Variants in LIPA observed in about 807,000 individuals in gnomAD.
LIPA encodes the protein lysosomal acid lipase/cholesteryl ester hydrolase.
Under a neutral mutation model 40.6 loss-of-function variants are expected in LIPA, and 26 were observed. That is an observed-to-expected ratio of 0.64 (90% CI 0.47 to 0.89). LIPA has a LOEUF of 0.89. Ranked by LOEUF, LIPA falls within the 40% of genes least tolerant of loss-of-function variation. The pLI, the probability that LIPA is intolerant of heterozygous loss-of-function variation, is 0.00. For missense variants in LIPA, 455 were observed against 479.6 expected (o/e 0.95, Z 0.48); for synonymous variants, 188 against 168.4 (o/e 1.12, Z -0.90).
chr10:89,265,137 G>T (rs867175511), intron 1 of LIPA, among the ~76,000 whole-genome samples: 2 of 151,682 alleles, frequency 1.3e-5, no homozygotes, highest in Middle Eastern at 3.2e-3. Context: ...TGGGTGCCAG[G>T]AGCAGGGAGA....
intron 1 of LIPA, among the ~76,000 whole-genome samples, chr10:89,333,215 G>T (rs1564788787): frequency 6.6e-6 from 1 of 152,188 alleles, no homozygotes; most frequent in African/African-American, 2.4e-5. Context: ...ACAGGGAGAA[G>T]GTGTTGCTTG....
At chr10:89,221,912 A>G (rs1842704126) in intron 8 of LIPA, among the ~76,000 whole-genome samples, 1 of 147,774 alleles carries the variant, frequency 6.8e-6, no homozygotes, top group Non-Finnish European at 1.5e-5. Flanking sequence ...TTTCATTTTA[A>G]GATAATTTTT....
At chr10:89,282,428 G>C (rs962006907) in intron 1 of LIPA, among the ~76,000 whole-genome samples, 85 of 151,810 alleles carry the variant, frequency 5.6e-4, no homozygotes, top group Middle Eastern at 3.2e-3. Context: ...ACCTGAGATT[G>C]AGAGTTTGAG....
chr10:89,273,064 G>T (rs1843273668), intron 1 of LIPA, among the ~76,000 whole-genome samples: 1 of 152,168 alleles, frequency 6.6e-6, no homozygotes, highest in Admixed American at 6.5e-5. Context: ...ATAGGTAAAA[G>T]AAAGAAGTTA....
chr10:89,215,056 A>C lies in LIPA; in HGVS notation c.972T>G (p.Tyr324Ter). The C allele has an allele frequency of 9.9e-6, 16 of 1,608,916 alleles. No homozygotes were observed. The highest frequency in any genetic ancestry group is 1.4e-5 in the Non-Finnish European group (16 of 1,175,240). Residue 324 changes from tyrosine to a stop codon, truncating the protein, a stop_gained, in exon 10 of 10, where the codon TAT becomes TAG. Coordinates refer to ENST00000336233, the MANE Select transcript of LIPA (RefSeq NM_000235.4). LOFTEE classifies it low-confidence loss of function (END_TRUNC). Reference sequence around the variant, plus strand: ...TGTCCTTCACATTGTATGTGGGAGGATAACTCTACAATGAAAAGGAACCAG... The same window carrying C: ...TGTCCTTCACATTGTATGTGGGAGGCTAACTCTACAATGAAAAGGAACCAG... ...AKNYFHYNQS[Y>*]PPTYNVKDML...
At chr10:89,228,548 A>G (rs1842800784) in intron 3 of LIPA, 150 bp from the exon 4 acceptor site, 2 of 750,136 alleles carry the variant, frequency 2.7e-6, no homozygotes, top group African/African-American at 1.8e-5. Context: ...ACTCACATAT[A>G]ATGTTAGTAA....
intron 2 of LIPA, among the ~76,000 whole-genome samples, chr10:89,407,748 G>T (rs1271627978): frequency 6.6e-6 from 1 of 152,152 alleles, no homozygotes; most frequent in East Asian, 1.9e-4. Flanking sequence ...AGGTTTTAGA[G>T]AATGCGTCGG....
chr10:89,247,750 G>T, intron 1 of LIPA, 101 bp from the exon 2 acceptor site: 1 of 806,232 alleles, frequency 1.2e-6, no homozygotes, highest in Non-Finnish European at 2.1e-6. Context: ...CCAGATTTAG[G>T]GCAAGTAAAA....
At chr10:89,291,831 CT>C (rs1843376795) in intron 1 of LIPA, among the ~76,000 whole-genome samples, 1 of 152,336 alleles carries the variant, frequency 6.6e-6, no homozygotes, top group African/African-American at 2.4e-5. Flanking sequence ...AGGAAGGGGG[CT>C]TCCTACTCTG....
intron 1 of LIPA, among the ~76,000 whole-genome samples, chr10:89,295,015 T>TAGGAAAGGAAAG (rs1843404066): frequency 3.3e-5 from 2 of 60,260 alleles, no homozygotes; most frequent in Non-Finnish European, 7.0e-5. Context: ...GGAAAGGAAA[T>TAGGAAAGGAAAG]GAAATGAAAG....
Position 89,412,789 on chromosome 10 carries a change from A to G in LIPA, c.61+2T>C, listed in dbSNP as rs761464155. On this transcript the variant is annotated splice_donor_variant, in intron 2 of 8. Coordinates refer to the LIPA transcript ENST00000371837. LOFTEE classifies it high-confidence loss of function. ...CTGAAGTCAGCAAGACCACGAACTC[A>G]CCAGAAGGAAGAAACTCCAGACACA... 1 of 417,132 alleles carries G rather than the reference A, an allele frequency of 2.4e-6. No homozygotes were observed. The highest frequency in any genetic ancestry group is 4.7e-6 in the Non-Finnish European group (1 of 211,144). 25.8% of individuals were successfully genotyped at this position (417,132 alleles called of 1,614,324 possible). A position where few individuals can be genotyped will look rare whatever the true frequency, so the allele number is the denominator to read the frequency against.
chr10:89,257,524 C>T (rs1280018178), intron 1 of LIPA, among the ~76,000 whole-genome samples: 4 of 152,124 alleles, frequency 2.6e-5, no homozygotes, highest in Non-Finnish European at 5.9e-5. Flanking sequence ...CTTTAAACAG[C>T]TAAGTTGGAA....
chr10:89,216,538 A>T (rs1842629462), intron 8 of LIPA, among the ~76,000 whole-genome samples: 1 of 151,904 alleles, frequency 6.6e-6, no homozygotes, highest in African/African-American at 2.4e-5. Flanking sequence ...TATTTTGCAG[A>T]TGGAAAATAT....
intron 2 of LIPA, 85 bp downstream of exon 2, chr10:89,247,453 T>G (rs1843041486): frequency 9.4e-6 from 7 of 747,954 alleles, no homozygotes; most frequent in Non-Finnish European, 1.7e-5. Context: ...AAGAGATGAA[T>G]GTATGGGTAT....
upstream of LIPA, among the ~76,000 whole-genome samples, chr10:89,343,302 A>G (rs1156732555): frequency 6.6e-6 from 1 of 152,210 alleles, no homozygotes; most frequent in South Asian, 2.1e-4. Context: ...TCTAATGGTA[A>G]TAGACTGGGT....
At chr10:89,252,540 G>T (rs1843142207), upstream of LIPA, among the ~76,000 whole-genome samples, 2 of 152,218 alleles carry the variant, frequency 1.3e-5, no homozygotes, top group Non-Finnish European at 2.9e-5. Flanking sequence ...GGGCACAGTG[G>T]CTCACGCCTG....
intron 2 of LIPA, among the ~76,000 whole-genome samples, chr10:89,406,732 G>T (rs909939649): frequency 2.0e-5 from 3 of 152,024 alleles, no homozygotes; most frequent in Non-Finnish European, 4.4e-5. Flanking sequence ...AACAAACTCT[G>T]GACACACCAC....
At chr10:89,411,557 A>G (rs1841469275) in intron 2 of LIPA, among the ~76,000 whole-genome samples, 1 of 152,246 alleles carries the variant, frequency 6.6e-6, no homozygotes, top group Non-Finnish European at 1.5e-5. Flanking sequence ...AAAAGTTAAC[A>G]GTGTAACATG....
intron 1 of LIPA, among the ~76,000 whole-genome samples, chr10:89,322,623 G>C (rs1843577971): frequency 6.6e-6 from 1 of 150,702 alleles, no homozygotes. Context: ...AGACATTTTG[G>C]AGGGCAACTC....
Sources: gnomAD v4.1 joint callset for allele counts (sites outside exome capture counted in the v4.1 genomes callset) on GRCh38, gnomAD v4.1.1 for gene constraint, MANE v1.5 for transcripts, NCBI Gene and HGNC (gene_info 2026-07-23, HGNC 2026-07-21) for gene names.